COL16A1: variants seen among roughly 807,000 people sequenced by gnomAD.
The protein encoded by COL16A1 is collagen alpha-1(XVI) chain.
In COL16A1, 189 loss-of-function variants were observed where a neutral mutation model predicts 266.3. The observed-to-expected ratio is 0.71, with a 90% CI of 0.63 to 0.80. The LOEUF (loss-of-function observed/expected upper bound fraction) is 0.80. COL16A1 is among the 30% of genes least tolerant of loss of function. The probability of loss-of-function intolerance (pLI) is 0.00; values close to 1 mark genes in which losing one functional copy is unlikely to be tolerated. For missense variants in COL16A1, 1,928 were observed against 2,122.4 expected (o/e 0.91, Z 1.80); for synonymous variants, 740 against 782.3 (o/e 0.95, Z 0.90).
Position 31,661,099 on chromosome 1 carries a change from A to T in COL16A1, c.3792T>A (p.Gly1264=), listed in dbSNP as rs373802916. Residue 1264 remains glycine (G), a synonymous_variant, in exon 61 of 71, where the codon GGT becomes GGA. Transcript: ENST00000373672. ...PGPKGDCGKP[G]PPGSTGRPGA... is the part of the protein sequence containing the mutation. The stretch of plus-strand genomic sequence containing the variant: ...CAGGCCGGCCAGTGCTGCCAGGGGG[A>T]CCTGGTTTGCCACAGTCACCCTAGA... 1.6e-3 allele frequency: 2,559 copies of T among 1,565,378 alleles called. 4 individuals are homozygous for T. Among genetic ancestry groups the T allele is most frequent in the Non-Finnish European group, 2.0e-3 (2,285 of 1,153,898 alleles).
chr1:31,653,792 A>G (rs1169218119), intron 69 of COL16A1, 75 bp downstream of exon 69: 10 of 1,573,452 alleles, frequency 6.4e-6, no homozygotes, highest in Non-Finnish European at 8.7e-6. Context: ...CCATATTCAC[A>G]ACAGACCTCA....
At chr1:31,692,863 ATGTGT>A (rs1644335955) in intron 13 of COL16A1, 55 bp from the exon 14 acceptor site, 5 of 1,542,214 alleles carry the variant, frequency 3.2e-6, no homozygotes, top group Middle Eastern at 1.7e-4. Context: ...AGTCCCCTAG[ATGTGT>A]TGTGAGGAGG....
rs1241135169 is a variant in COL16A1 at position 31,668,079 on chromosome 1, G to T, written c.3303+86C>A. ...GCCCGGTAATGGGGAGCCCGCCGAG[G>T]GTTGCCCAGCCTGGCTGTGTCCTGA... On this transcript the variant is annotated intron_variant, in intron 51 of 70. Transcript: ENST00000373672. This position sits in a 1 kb window ranked among gnomAD's most constrained non-coding sequence, Gnocchi z 5.8. 8.0e-7 allele frequency: 1 copy of T among 1,245,166 alleles called. No individual in the cohort carries two copies. Among genetic ancestry groups the T allele is most frequent in the Non-Finnish European group, 1.1e-6 (1 of 874,150 alleles). 77.1% of individuals were successfully genotyped at this position (1,245,166 alleles called of 1,614,324 possible).
intron 42 of COL16A1, among the ~76,000 whole-genome samples, chr1:31,678,449 C>T (rs1643364885): frequency 6.6e-6 from 1 of 152,138 alleles, no homozygotes; most frequent in Non-Finnish European, 1.5e-5. Flanking sequence ...TGGGGAAGCC[C>T]CAGTCTAGCA....
In COL16A1 at chr1:31,670,610, C is replaced by CG; in HGVS notation, c.3186dup (p.Gly1063ArgfsTer63). ...CAGCGCTAGGTTCTTACAGGCAATCCGGGGGAGCCAACAGCACCAGGAAAA... is the reference window on the plus strand; with the variant it reads ...CAGCGCTAGGTTCTTACAGGCAATCCGGGGGGAGCCAACAGCACCAGGAAAA... On this transcript the variant is annotated frameshift_variant, in exon 49 of 71. Transcript: ENST00000373672. LOFTEE classifies it high-confidence loss of function. This position sits in a 1 kb window ranked among gnomAD's most constrained non-coding sequence, Gnocchi z 4.5. 1 of 1,410,168 alleles carries CG rather than the reference C, an allele frequency of 7.1e-7. No individual in the cohort carries two copies. The allele number at this position is 1,410,168 out of a possible 1,614,324, so 87.4% of individuals were successfully genotyped here.
rs1401282628 is a variant in COL16A1, at chr1:31,692,514, G to T, written c.1159-5C>A. Reference sequence around the variant, plus strand: ...GCCTGGGAGTCCTGAGGGTCCCTGAGATGAGGAAGGGAGACAGAGGAAGGG... The same window carrying T: ...GCCTGGGAGTCCTGAGGGTCCCTGATATGAGGAAGGGAGACAGAGGAAGGG... On this transcript the variant is annotated splice_polypyrimidine_tract_variant and splice_region_variant and intron_variant, in intron 15 of 70. Coordinates refer to ENST00000373672, the MANE Select transcript of COL16A1 (RefSeq NM_001856.4). 6.2e-7 allele frequency: 1 copy of T among 1,613,804 alleles called. No homozygotes were observed. Among genetic ancestry groups the T allele is most frequent in the Non-Finnish European group, 8.5e-7 (1 of 1,179,928 alleles).
intron 52 of COL16A1, 191 bp from the exon 53 acceptor site, chr1:31,666,272 T>A: frequency 1.6e-6 from 1 of 626,772 alleles, no homozygotes; most frequent in African/African-American, 1.8e-5. Flanking sequence ...GCCTCCTAAC[T>A]CGTCCTGCCA....
chr1:31,666,978 C>T (rs1642196829), intron 52 of COL16A1, among the ~76,000 whole-genome samples: 1 of 152,184 alleles, frequency 6.6e-6, no homozygotes, highest in African/African-American at 2.4e-5. Flanking sequence ...CCCACAGGCC[C>T]CTGAGAAATA....
chr1:31,656,498 C>T lies in COL16A1; in HGVS notation c.4057-54G>A, dbSNP rs1641161849. 1.3e-6 allele frequency: 2 copies of T among 1,598,506 alleles called. No individual in the cohort carries two copies. Among genetic ancestry groups the T allele is most frequent in the Non-Finnish European group, 1.7e-6 (2 of 1,172,722 alleles). ...GTCCGGGCAGCATCTCTGAGGCTCCCTGGGGAGGCAGGTGCAGTGAAGAGG... is the reference window on the plus strand; with the variant it reads ...GTCCGGGCAGCATCTCTGAGGCTCCTTGGGGAGGCAGGTGCAGTGAAGAGG... On this transcript the variant is annotated intron_variant, in intron 65 of 70. Coordinates refer to ENST00000373672, the MANE Select transcript of COL16A1 (RefSeq NM_001856.4). This position sits in a 1 kb window ranked among gnomAD's most constrained non-coding sequence, Gnocchi z 4.2.
At chr1:31,693,021 G>T in intron 13 of COL16A1, 71 bp downstream of exon 13, 1 of 1,088,384 alleles carries the variant, frequency 9.2e-7, no homozygotes, top group Non-Finnish European at 1.4e-6. Flanking sequence ...ATGGGATGAT[G>T]GCTCACATCC....
intron 67 of COL16A1, 21 bp from the exon 68 acceptor site, chr1:31,654,879 C>G (rs748629564): frequency 4.4e-5 from 71 of 1,613,398 alleles, no homozygotes; most frequent in Non-Finnish European, 3.4e-5. Flanking sequence ...AGAAGAAAAC[C>G]TGCCTCAATT....
Position 31,693,119 on chromosome 1 carries a change from T to G in COL16A1, c.1044A>C (p.Pro348=). Residue 348 remains proline, a synonymous_variant, in exon 13 of 71, where the codon CCA becomes CCC. Transcript: ENST00000373672. ...GTGCTCCCTTCTCTCCCTTGGAGCC[T>G]GGTGGACCAGGCAGGCCCCGCTCAC... ...GKGERGLPGP[P]GSKGEKGARG... 1 of 1,612,166 alleles carries G rather than the reference T, an allele frequency of 6.2e-7. No homozygotes were observed. Among genetic ancestry groups the G allele is most frequent in the South Asian group, 1.1e-5 (1 of 90,996 alleles).
At chr1:31,681,434 C>T (rs1352785079) in intron 37 of COL16A1, among the ~76,000 whole-genome samples, 1 of 152,248 alleles carries the variant, frequency 6.6e-6, no homozygotes, top group African/African-American at 2.4e-5. Context: ...CCTGAAGTCT[C>T]TGCTCTCTCC....
chr1:31,687,329 C>CAG (rs1216277867), intron 26 of COL16A1, among the ~76,000 whole-genome samples: 2 of 142,144 alleles, frequency 1.4e-5, no homozygotes, highest in East Asian at 4.1e-4. Flanking sequence ...TTGCAGTGAG[C>CAG]AGAGATCACA....
At chr1:31,662,978 A>G (rs1641825350) in intron 56 of COL16A1, 1 of 451,548 alleles carries the variant, frequency 2.2e-6, no homozygotes, top group Non-Finnish European at 4.0e-6. Flanking sequence ...CACAGCTTCA[A>G]TCCACTGTGA....
Position 31,656,349 on chromosome 1 carries a change from C to T in COL16A1, c.4101+51G>A, listed in dbSNP as rs1211161908. On this transcript the variant is annotated intron_variant, in intron 66 of 70. Transcript: ENST00000373672. The surrounding 1 kb of genome is among the most constrained non-coding windows in gnomAD (Gnocchi z 4.2). ...GCTAAAGCCGTAACTTGCAGCTGGG[C>T]TTCATCCACTCGTGAGCTTCTCCTC... is the stretch of plus-strand genomic sequence containing the variant. 1 of 1,603,152 alleles carries T rather than the reference C, an allele frequency of 6.2e-7. No homozygotes were observed. The highest frequency in any genetic ancestry group is 8.5e-7 in the Non-Finnish European group (1 of 1,175,090).
At chr1:31,681,194 G>A (rs1376268957) in intron 37 of COL16A1, 127 bp from the exon 38 acceptor site, 3 of 1,336,476 alleles carry the variant, frequency 2.2e-6, no homozygotes, top group African/African-American at 3.0e-5. Context: ...AGGGCCGAGG[G>A]CCCACGTTCC....
rs1644651962 is a variant in COL16A1, at chr1:31,699,800, T to C, written c.266+13A>G. 6.6e-7 allele frequency: 1 copy of C among 1,506,808 alleles called. No homozygotes were observed. Among genetic ancestry groups the C allele is most frequent in the Non-Finnish European group, 9.2e-7 (1 of 1,084,588 alleles). 93.3% of individuals were successfully genotyped at this position (1,506,808 alleles called of 1,614,324 possible). A position where few individuals can be genotyped will look rare whatever the true frequency, so the allele number is the denominator to read the frequency against. ...TCAGTGTTGATTCTCAGTGGTCACA[T>C]GGATGCATTTACCGCGTGGGCTGGG... On this transcript the variant is annotated intron_variant, in intron 4 of 70. Transcript: ENST00000373672.
intron 26 of COL16A1, chr1:31,686,503 A>C: frequency 1.4e-6 from 1 of 691,256 alleles, no homozygotes; most frequent in South Asian, 1.6e-5. Context: ...AATCCAGCCC[A>C]CCCTCAGCCA....
Sources: gnomAD v4.1 joint callset for allele counts (sites outside exome capture counted in the v4.1 genomes callset) on GRCh38, gnomAD v4.1.1 for gene constraint, Gnocchi (gnomAD v3.1) non-coding constraint, MANE v1.5 for transcripts, NCBI Gene and HGNC (gene_info 2026-07-23, HGNC 2026-07-21) for gene names.